The following ADAM2 variants were observed in gnomAD, a reference collection of about 807,000 sequenced individuals.
ADAM2 encodes ADAM metallopeptidase domain 2.
Under a neutral mutation model 99.3 loss-of-function variants are expected in ADAM2, and 101 were observed. That is an observed-to-expected ratio of 1.02 (90% CI 0.87 to 1.20). ADAM2 has a LOEUF of 1.20. ADAM2 is among the 50% of genes most tolerant of loss of function. ADAM2 has a pLI of 0.00. For synonymous variants in ADAM2, 323 were observed against 287.6 expected, an observed-to-expected ratio of 1.12 and a Z score of -1.25; for missense variants, 948 against 878.7, an observed-to-expected ratio of 1.08 and a Z score of -1.00.
chr8:39,795,308 G>A (rs926021930), intron 7 of ADAM2, among the ~76,000 whole-genome samples: 1 of 152,042 alleles, frequency 6.6e-6, no homozygotes, highest in African/African-American at 2.4e-5. Context: ...AAGAGGGGTG[G>A]GGGTCAGACA....
At chr8:39,778,262 C>G (rs1346698816) in intron 10 of ADAM2, among the ~76,000 whole-genome samples, 3 of 151,920 alleles carry the variant, frequency 2.0e-5, no homozygotes, top group African/African-American at 7.2e-5. Context: ...TCTGTTGCCT[C>G]TCTAAGTCAG....
intron 18 of ADAM2, 22 bp from the exon 19 acceptor site, chr8:39,746,653 G>A: frequency 1.3e-6 from 2 of 1,541,584 alleles, no homozygotes; most frequent in African/African-American, 2.8e-5. Flanking sequence ...AAAAATCAAA[G>A]ATTTGAAAGC....
chr8:39,824,770 A>T (rs754747225), intron 4 of ADAM2, 49 bp downstream of exon 4: 3 of 956,020 alleles, frequency 3.1e-6, no homozygotes, highest in Non-Finnish European at 5.0e-6. Flanking sequence ...AAATAAGGTG[A>T]TCATAGACAC....
At chr8:39,763,528 C>T (rs1008024970) in intron 14 of ADAM2, among the ~76,000 whole-genome samples, 2 of 152,192 alleles carry the variant, frequency 1.3e-5, no homozygotes, top group African/African-American at 4.8e-5. Flanking sequence ...AAATGTGATG[C>T]ATGTACTGGC....
At chr8:39,803,090 A>G (rs1334135013) in intron 7 of ADAM2, among the ~76,000 whole-genome samples, 2 of 152,192 alleles carry the variant, frequency 1.3e-5, no homozygotes, top group African/African-American at 4.8e-5. Context: ...AGCAACAGAA[A>G]AGATCGACCA....
At chr8:39,750,596 T>C (rs1054563843) in intron 16 of ADAM2, among the ~76,000 whole-genome samples, 3 of 152,096 alleles carry the variant, frequency 2.0e-5, no homozygotes, top group Non-Finnish European at 4.4e-5. Flanking sequence ...ACAAAAATGA[T>C]AAGCATACAA....
intron 7 of ADAM2, among the ~76,000 whole-genome samples, chr8:39,800,699 T>C (rs1804170790): frequency 6.6e-6 from 1 of 152,202 alleles, no homozygotes. Flanking sequence ...TGAAGTCCCA[T>C]ATTTTTTGAA....
At chr8:39,757,371 T>C (rs1350299221) in intron 15 of ADAM2, among the ~76,000 whole-genome samples, 1 of 152,190 alleles carries the variant, frequency 6.6e-6, no homozygotes, top group Non-Finnish European at 1.5e-5. Flanking sequence ...GCTTTAAGAA[T>C]GGGAACTGCA....
chr8:39,835,541 G>T (rs1025595804), intron 2 of ADAM2, among the ~76,000 whole-genome samples: 3 of 151,972 alleles, frequency 2.0e-5, no homozygotes, highest in Non-Finnish European at 2.9e-5. Context: ...AAACTAGCTG[G>T]GCTTGGTGGC....
intron 3 of ADAM2, among the ~76,000 whole-genome samples, chr8:39,827,994 T>G (rs1378367215): frequency 6.6e-6 from 1 of 151,982 alleles, no homozygotes; most frequent in Non-Finnish European, 1.5e-5. Flanking sequence ...TTTCTGTTAA[T>G]TAGACCTTTA....
intron 15 of ADAM2, 100 bp from the exon 16 acceptor site, chr8:39,756,011 T>C (rs942051613): frequency 6.2e-6 from 4 of 649,538 alleles, no homozygotes; most frequent in Non-Finnish European, 9.7e-6. Context: ...ATTCAAGGTT[T>C]GCAAGCTAAT....
chr8:39,833,238 TCC>T, intron 3 of ADAM2, among the ~76,000 whole-genome samples: 2 of 152,114 alleles, frequency 1.3e-5, no homozygotes, highest in Non-Finnish European at 2.9e-5. Context: ...ACTAGTACCG[TCC>T]ATCTTATAAA....
intron 6 of ADAM2, among the ~76,000 whole-genome samples, chr8:39,814,224 T>C (rs1299931261): frequency 1.3e-5 from 2 of 152,106 alleles, no homozygotes; most frequent in African/African-American, 4.8e-5. Context: ...CTGGGCATTG[T>C]GGCTCACACC....
chr8:39,762,181 G>C (rs1802397306), intron 14 of ADAM2, among the ~76,000 whole-genome samples: 2 of 152,200 alleles, frequency 1.3e-5, no homozygotes, highest in Non-Finnish European at 2.9e-5. Flanking sequence ...AAAAATCTTT[G>C]ACAGGGAGAC....
At chr8:39,814,087 G>A (rs1484417610) in intron 6 of ADAM2, among the ~76,000 whole-genome samples, 2 of 152,086 alleles carry the variant, frequency 1.3e-5, no homozygotes, top group Non-Finnish European at 2.9e-5. Context: ...GCCAGGCGTG[G>A]TGGCTCACAC....
intron 11 of ADAM2, 102 bp from the exon 12 acceptor site, chr8:39,769,677 C>T (rs1416745707): frequency 3.0e-5 from 21 of 707,876 alleles, no homozygotes; most frequent in Non-Finnish European, 4.5e-5. Context: ...GACCAAATTC[C>T]CAAGTCTGTG....
chr8:39,817,104 T>G (rs1242581817), intron 6 of ADAM2, among the ~76,000 whole-genome samples: 1 of 151,684 alleles, frequency 6.6e-6, no homozygotes, highest in African/African-American at 2.4e-5. Context: ...ATAAAAAAGA[T>G]GTAACATCAT....
intron 10 of ADAM2, among the ~76,000 whole-genome samples, chr8:39,783,875 C>T (rs1803338923): frequency 6.6e-6 from 1 of 151,940 alleles, no homozygotes; most frequent in Non-Finnish European, 1.5e-5. Context: ...TCGCTTGAAC[C>T]TGGGAGGCGG....
chr8:39,755,923 C>A lies in ADAM2; in HGVS notation c.1614-12G>T. 7.5e-7 allele frequency: 1 copy of A among 1,328,394 alleles called. No individual in the cohort carries two copies. The highest frequency in any genetic ancestry group is 1.0e-6 in the Non-Finnish European group (1 of 958,648). 82.3% of individuals were successfully genotyped at this position (1,328,394 alleles called of 1,614,324 possible). ...CGCACTGCAGATTGCTATAATTTATCCACAAATAAAAATTATTAATTTTAA... is the reference window on the plus strand; with the variant it reads ...CGCACTGCAGATTGCTATAATTTATACACAAATAAAAATTATTAATTTTAA... On this transcript the variant is annotated splice_polypyrimidine_tract_variant and intron_variant, in intron 15 of 20. Coordinates refer to ENST00000265708, the MANE Select transcript of ADAM2 (RefSeq NM_001464.5).
Sources: gnomAD v4.1 joint callset for allele counts (sites outside exome capture counted in the v4.1 genomes callset) on GRCh38, gnomAD v4.1.1 for gene constraint, MANE v1.5 for transcripts, NCBI Gene and HGNC (gene_info 2026-07-23, HGNC 2026-07-21) for gene names.